The following KIF27 variants were observed in gnomAD, a reference collection of about 807,000 sequenced individuals.
KIF27 encodes the protein kinesin family member 27, also known as kinesin-like protein KIF27.
A neutral mutation model predicts 141.8 loss-of-function variants in KIF27; 84 were observed. The observed-to-expected ratio is 0.59, with a 90% CI of 0.50 to 0.71. The LOEUF (loss-of-function observed/expected upper bound fraction) is 0.71, where lower values mean the gene tolerates loss of function less well. Among genes scored for constraint, KIF27 ranks in the 30% least tolerant of loss-of-function variants. KIF27 has a pLI of 0.00. For missense variants in KIF27, 1,306 were observed against 1,628.4 expected (o/e 0.80, Z 3.41); for synonymous variants, 471 against 569.5 (o/e 0.83, Z 2.46).
chr9:83,868,035 A>G, intron 12 of KIF27, 175 bp from the exon 13 acceptor site: 1 of 578,128 alleles, frequency 1.7e-6, no homozygotes, highest in Non-Finnish European at 2.9e-6. Flanking sequence ...TCTAGTCAAG[A>G]TGTAGCTATG....
chr9:83,849,115 A>C (rs1948227405), intron 16 of KIF27, among the ~76,000 whole-genome samples: 1 of 152,136 alleles, frequency 6.6e-6, no homozygotes, highest in Non-Finnish European at 1.5e-5. Context: ...TGTTTGGCCA[A>C]GTTTTTATAT....
chr9:83,887,527 T>C (rs1439204081), intron 8 of KIF27, among the ~76,000 whole-genome samples: 1 of 152,168 alleles, frequency 6.6e-6, no homozygotes, highest in Non-Finnish European at 1.5e-5. Context: ...AGGGGTGAAT[T>C]TGTTTCCTAT....
At chr9:83,888,347 AAG>A (rs1056826716) in intron 8 of KIF27, 140 bp downstream of exon 8, 3 of 427,728 alleles carry the variant, frequency 7.0e-6, no homozygotes, top group African/African-American at 6.1e-5. Flanking sequence ...GAGAACATAA[AAG>A]AAGTTCTACC....
At chr9:83,860,465 TAA>T (rs1189630362) in intron 13 of KIF27, among the ~76,000 whole-genome samples, 3 of 152,220 alleles carry the variant, frequency 2.0e-5, no homozygotes, top group African/African-American at 7.2e-5. Context: ...TCTCCCAATA[TAA>T]GTTACATTAC....
intron 11 of KIF27, among the ~76,000 whole-genome samples, chr9:83,877,835 G>A (rs926892144): frequency 4.6e-5 from 7 of 152,006 alleles, no homozygotes; most frequent in African/African-American, 1.4e-4. Context: ...ATTAAAATGT[G>A]GACAAAGAAC....
intron 13 of KIF27, among the ~76,000 whole-genome samples, chr9:83,866,673 C>T (rs1245320841): frequency 4.6e-5 from 7 of 151,966 alleles, no homozygotes; most frequent in African/African-American, 1.7e-4. Context: ...GTCAGAAGTT[C>T]GAGACCAGTC....
chr9:83,914,490 T>C (rs1955504096), intron 2 of KIF27, among the ~76,000 whole-genome samples: 1 of 152,084 alleles, frequency 6.6e-6, no homozygotes, highest in South Asian at 2.1e-4. Context: ...AAATTTTTTA[T>C]TTTTTTATTG....
In KIF27 at chr9:83,884,030, T is replaced by G; in HGVS notation, c.2240-12A>C. On this transcript the variant is annotated splice_polypyrimidine_tract_variant and intron_variant, in intron 9 of 17. Coordinates refer to ENST00000297814, the MANE Select transcript of KIF27 (RefSeq NM_017576.4). ...CTTGGCATCATTACCTTAACCGTAA[T>G]AATAATTATTATTAGTATAAATTAT... The G allele has an allele frequency of 6.7e-7, 1 of 1,497,678 alleles. No individual in the cohort carries two copies. The allele number at this position is 1,497,678 out of a possible 1,614,324, so 92.8% of individuals were successfully genotyped here.
intron 12 of KIF27, 93 bp from the exon 13 acceptor site, chr9:83,867,953 T>A: frequency 7.9e-7 from 1 of 1,264,756 alleles, no homozygotes; most frequent in Non-Finnish European, 1.1e-6. Flanking sequence ...TGAAATCTCT[T>A]AAATGAACAT....
intron 16 of KIF27, among the ~76,000 whole-genome samples, chr9:83,846,933 A>G (rs1471325438): frequency 6.6e-6 from 1 of 152,190 alleles, no homozygotes; most frequent in Admixed American, 6.5e-5. Flanking sequence ...TGGACTATCA[A>G]GATGAAATCA....
intron 10 of KIF27, among the ~76,000 whole-genome samples, 171 bp downstream of exon 10, chr9:83,883,642 C>A (rs1951853201): frequency 6.6e-6 from 1 of 152,092 alleles, no homozygotes. Flanking sequence ...AAGAAATATA[C>A]TACCCAGATT....
chr9:83,905,346 CTGACCTCG>C (rs1288041576), intron 3 of KIF27, among the ~76,000 whole-genome samples: 7 of 152,152 alleles, frequency 4.6e-5, no homozygotes, highest in Admixed American at 3.3e-4. Flanking sequence ...TCTCGATCTC[CTGACCTCG>C]TGATCCACCT....
chr9:83,920,850 TCAACC>T (rs1478528024), intron 1 of KIF27, among the ~76,000 whole-genome samples: 1 of 102,574 alleles, frequency 9.7e-6, no homozygotes, highest in Non-Finnish European at 2.2e-5. Flanking sequence ...CGCCCAAGTT[TCAACC>T]TCTACGGTGG....
chr9:83,901,305 T>C (rs916341361), intron 4 of KIF27, among the ~76,000 whole-genome samples: 2 of 152,294 alleles, frequency 1.3e-5, no homozygotes, highest in East Asian at 1.9e-4. Context: ...AACAAGATAG[T>C]TTCAAATCTC....
intron 2 of KIF27, among the ~76,000 whole-genome samples, chr9:83,913,842 T>C (rs1199077333): frequency 6.6e-6 from 1 of 152,220 alleles, no homozygotes; most frequent in Non-Finnish European, 1.5e-5. Context: ...AAGTGAGTAA[T>C]ATGCATCAAA....
In KIF27 at chr9:83,895,629, A is replaced by G. The variant is rs188476798; in HGVS notation, c.1602+4032T>C. On this transcript the variant is annotated intron_variant, in intron 5 of 17. Coordinates refer to ENST00000297814, the MANE Select transcript of KIF27 (RefSeq NM_017576.4). ...AGAATCCAACTATTTAAAGTATACA[A>G]TATAGAAGATATAGAAGAAAAAGAT... Among the ~76,000 whole-genome samples the G allele has an allele frequency of 8.2e-4, 121 of 146,956 alleles. 1 individual carries two copies. Among genetic ancestry groups the G allele is most frequent in the Non-Finnish European group, 1.5e-3 (97 of 66,462 alleles).
At chr9:83,868,687 T>C (rs960687469) in intron 12 of KIF27, among the ~76,000 whole-genome samples, 13 of 152,134 alleles carry the variant, frequency 8.5e-5, no homozygotes, top group Non-Finnish European at 2.9e-5. Context: ...GAAATCCATA[T>C]AGTATTATTT....
At chr9:83,892,958 G>C (rs1952821914) in intron 5 of KIF27, among the ~76,000 whole-genome samples, 1 of 152,192 alleles carries the variant, frequency 6.6e-6, no homozygotes, top group African/African-American at 2.4e-5. Flanking sequence ...AGTAGGGCTG[G>C]GCACAGTGGC....
chr9:83,902,034 T>C (rs1953957839), intron 4 of KIF27, among the ~76,000 whole-genome samples: 1 of 152,268 alleles, frequency 6.6e-6, no homozygotes, highest in Middle Eastern at 3.4e-3. Flanking sequence ...AAACAAAAGC[T>C]CTTTGAGGGA....
Sources: gnomAD v4.1 joint callset for allele counts (sites outside exome capture counted in the v4.1 genomes callset) on GRCh38, gnomAD v4.1.1 for gene constraint, MANE v1.5 for transcripts, NCBI Gene and HGNC (gene_info 2026-07-23, HGNC 2026-07-21) for gene names.